The following SNX3 variants were observed in gnomAD, a reference collection of about 807,000 sequenced individuals.
The protein encoded by SNX3 is sorting nexin 3.
SNX3 carries 5 observed loss-of-function variants against 17.7 expected under a neutral mutation model. The ratio of observed to expected loss-of-function variants is 0.28; its 90% CI spans 0.15 to 0.59. The LOEUF (loss-of-function observed/expected upper bound fraction) is 0.59, where lower values mean the gene tolerates loss of function less well. SNX3 is among the 20% of genes least tolerant of loss of function. SNX3 has a pLI of 0.88. For synonymous variants in SNX3, 91 were observed against 76.5 expected, an observed-to-expected ratio of 1.19 and a Z score of -0.99; for missense variants, 132 against 206.8, an observed-to-expected ratio of 0.64 and a Z score of 2.22.
At chr6:108,228,414 T>A (rs1400595029) in intron 1 of SNX3, among the ~76,000 whole-genome samples, 3 of 152,026 alleles carry the variant, frequency 2.0e-5, no homozygotes, top group South Asian at 4.2e-4. Flanking sequence ...CCAGGCATGG[T>A]GGCGGGTACC....
chr6:108,252,872 G>A (rs538388234), intron 1 of SNX3, among the ~76,000 whole-genome samples: 12 of 151,970 alleles, frequency 7.9e-5, no homozygotes, highest in East Asian at 1.9e-4. Context: ...TCCTGATCTC[G>A]AGGGATCCAC....
chr6:108,221,302 A>G (rs560070016), intron 2 of SNX3, among the ~76,000 whole-genome samples: 1 of 150,768 alleles, frequency 6.6e-6, no homozygotes, highest in African/African-American at 2.4e-5. Context: ...ATCATCTGAC[A>G]TCTATATATT....
At chr6:108,257,315 T>C (rs988141845) in intron 1 of SNX3, among the ~76,000 whole-genome samples, 35 of 150,916 alleles carry the variant, frequency 2.3e-4, no homozygotes, top group Middle Eastern at 3.4e-3. Context: ...AGGCCAGGAG[T>C]TCAAGACCAT....
chr6:108,226,463 A>C (rs182935847), intron 1 of SNX3, among the ~76,000 whole-genome samples: 3 of 152,346 alleles, frequency 2.0e-5, no homozygotes, highest in South Asian at 4.1e-4. Flanking sequence ...CCTACCAAAA[A>C]TACTACTCAA....
At chr6:108,212,714 T>A (rs1008874339) in intron 3 of SNX3, among the ~76,000 whole-genome samples, 4 of 152,186 alleles carry the variant, frequency 2.6e-5, no homozygotes, top group Non-Finnish European at 5.9e-5. Context: ...TAATGGTATA[T>A]GTTCTTTTGT....
chr6:108,239,505 A>T (rs1775454530), intron 1 of SNX3, among the ~76,000 whole-genome samples: 1 of 152,232 alleles, frequency 6.6e-6, no homozygotes, highest in Non-Finnish European at 1.5e-5. Context: ...ATAATTAAGT[A>T]GAAACTATTA....
At chr6:108,219,825 A>C (rs977678667) in intron 2 of SNX3, among the ~76,000 whole-genome samples, 2 of 152,198 alleles carry the variant, frequency 1.3e-5, no homozygotes, top group African/African-American at 4.8e-5. Context: ...CCCAACCTAA[A>C]GCAATATACA....
chr6:108,217,231 AATAT>A (rs1774616429), intron 2 of SNX3, among the ~76,000 whole-genome samples: 1 of 150,976 alleles, frequency 6.6e-6, no homozygotes, highest in Non-Finnish European at 1.5e-5. Context: ...TATATAATTA[AATAT>A]ATATAAATTT....
At chr6:108,256,121 T>C (rs1425404717) in intron 1 of SNX3, among the ~76,000 whole-genome samples, 3 of 152,064 alleles carry the variant, frequency 2.0e-5, no homozygotes, top group South Asian at 2.1e-4. Context: ...TCCCAGCTAG[T>C]AGAGAGGCTG....
At chr6:108,213,273 C>A (rs1295149021) in intron 3 of SNX3, among the ~76,000 whole-genome samples, 4 of 152,130 alleles carry the variant, frequency 2.6e-5, no homozygotes, top group African/African-American at 9.7e-5. Flanking sequence ...ACTAAAAAAA[C>A]AGGCACAAAT....
chr6:108,233,813 T>C (rs1444618965), intron 1 of SNX3, among the ~76,000 whole-genome samples: 2 of 152,224 alleles, frequency 1.3e-5, no homozygotes, highest in Non-Finnish European at 2.9e-5. Context: ...CAAGTAATTC[T>C]GGTTTAGCTT....
At chr6:108,241,394 G>A (rs1432542119) in intron 1 of SNX3, among the ~76,000 whole-genome samples, 4 of 151,978 alleles carry the variant, frequency 2.6e-5, no homozygotes, top group Non-Finnish European at 5.9e-5. Context: ...AGTGGCTCAC[G>A]TCTGTAATCC....
Position 108,211,915 on chromosome 6 carries a change from C to A in SNX3, c.*234G>T, listed in dbSNP as rs1447403507. On this transcript the variant is annotated 3_prime_UTR_variant, in exon 4 of 4. Coordinates refer to ENST00000230085, the MANE Select transcript of SNX3 (RefSeq NM_003795.6). ...AGGTTTGTGAGGCTATAGTGTGCAC[C>A]ACATTAAAACAGCAAGAAAGAGCTA... The A allele has an allele frequency of 2.5e-6, 1 of 393,762 alleles. No individual in the cohort carries two copies. The highest frequency in any genetic ancestry group is 4.6e-6 in the Non-Finnish European group (1 of 219,616). 24.4% of individuals were successfully genotyped at this position (393,762 alleles called of 1,614,324 possible).
At chr6:108,259,685 G>A (rs1311153657) in intron 1 of SNX3, among the ~76,000 whole-genome samples, 1 of 152,192 alleles carries the variant, frequency 6.6e-6, no homozygotes, top group Non-Finnish European at 1.5e-5. Context: ...ACAACAATGT[G>A]AATATACTAC....
chr6:108,258,472 A>AG (rs1434292752), intron 1 of SNX3, among the ~76,000 whole-genome samples: 11,098 of 151,610 alleles, frequency 0.073, 1,429 homozygotes, highest in African/African-American at 0.26. Context: ...AAAAAAAAAA[A>AG]AAATTTTCTT....
At chr6:108,228,849 C>A (rs550247638) in intron 1 of SNX3, among the ~76,000 whole-genome samples, 3 of 151,172 alleles carry the variant, frequency 2.0e-5, no homozygotes, top group Admixed American at 6.6e-5. Flanking sequence ...CAAAAAAAAA[C>A]CCCAAAAAAG....
At chr6:108,250,631 G>C (rs1296178515) in intron 1 of SNX3, among the ~76,000 whole-genome samples, 1 of 152,160 alleles carries the variant, frequency 6.6e-6, no homozygotes, top group African/African-American at 2.4e-5. Context: ...GTCAAGACAA[G>C]AGAGGGGTGA....
chr6:108,246,771 G>A (rs1775705585), intron 1 of SNX3, among the ~76,000 whole-genome samples: 1 of 152,082 alleles, frequency 6.6e-6, no homozygotes, highest in South Asian at 2.1e-4. Context: ...GCAGGGGCAA[G>A]ATCATAACTC....
chr6:108,257,968 GAATAAA>G (rs1427039167), intron 1 of SNX3, among the ~76,000 whole-genome samples: 1 of 151,364 alleles, frequency 6.6e-6, no homozygotes, highest in Non-Finnish European at 1.5e-5. Flanking sequence ...GTCTCAAAAA[GAATAAA>G]AATAAAAATA....
Sources: allele counts gnomAD v4.1 joint callset (sites outside exome capture counted in the v4.1 genomes callset), GRCh38; gene constraint gnomAD v4.1.1; transcripts MANE v1.5; gene names NCBI Gene and HGNC (gene_info 2026-07-23, HGNC 2026-07-21).